PRKN: variants seen among roughly 807,000 people sequenced by gnomAD.
PRKN encodes the protein E3 ubiquitin-protein ligase parkin.
PRKN carries 56 observed loss-of-function variants against 59.5 expected under a neutral mutation model. That is an observed-to-expected ratio of 0.94 (90% confidence interval 0.76 to 1.18). The LOEUF is 1.18. Among genes scored for constraint, PRKN ranks in the 50% most tolerant of loss-of-function variants. The pLI is 0.00. For missense variants in PRKN, 657 were observed against 596.4 expected (o/e 1.10, Z -1.06); for synonymous variants, 250 against 222.1 (o/e 1.13, Z -1.12).
intron 7 of PRKN, among the ~76,000 whole-genome samples, chr6:161,733,101 G>A (rs1429144241): frequency 6.6e-6 from 1 of 152,108 alleles, no homozygotes; most frequent in Non-Finnish European, 1.5e-5. Flanking sequence ...TCATGCTACT[G>A]GGTATATGAG....
At chr6:161,565,125 C>T (rs1780591947) in intron 8 of PRKN, among the ~76,000 whole-genome samples, 1 of 152,130 alleles carries the variant, frequency 6.6e-6, no homozygotes, top group African/African-American at 2.4e-5. Flanking sequence ...CCCTTAGATT[C>T]ACCCTCAGCT....
At chr6:162,669,565 C>T (rs921542531) in intron 1 of PRKN, among the ~76,000 whole-genome samples, 1 of 152,174 alleles carries the variant, frequency 6.6e-6, no homozygotes, top group Non-Finnish European at 1.5e-5. Flanking sequence ...TGACAAGCCT[C>T]ATACACAGTT....
In PRKN at chr6:161,593,208, G is replaced by A. The variant is rs1781788144; in HGVS notation, c.872-23792C>T. On this transcript the variant is annotated intron_variant, in intron 7 of 11. Transcript: ENST00000366898. This position sits in a 1 kb window ranked among gnomAD's most constrained non-coding sequence, Gnocchi z 4.8. ...ACAATCATTATGAACTAATAACATC[G>A]CATGTCAACTGCATCCCAGGAGCTG... Among the ~76,000 whole-genome samples, 3 of 152,186 alleles carry A rather than the reference G, an allele frequency of 2.0e-5. No individual in the cohort carries two copies. Among genetic ancestry groups the A allele is most frequent in the Non-Finnish European group, 2.9e-5 (2 of 68,010 alleles).
At position 161,561,865 on chromosome 6, in the gene PRKN, G is replaced by A. The variant is rs74855687; in HGVS notation, c.933+7490C>T. Among the ~76,000 whole-genome samples the A allele has an allele frequency of 6.6e-5, 10 of 152,068 alleles. No individual in the cohort carries two copies. Among genetic ancestry groups the A allele is most frequent in the Non-Finnish European group, 1.2e-4 (8 of 68,032 alleles). On this transcript the variant is annotated intron_variant, in intron 8 of 11. Coordinates refer to ENST00000366898, the MANE Select transcript of PRKN (RefSeq NM_004562.3). This position sits in a 1 kb window ranked among gnomAD's most constrained non-coding sequence, Gnocchi z 5.0. ...CTAGAAGGAATTATCCTCCCCTTCT[G>A]TTCACTCTTCATCCCATAAAACTCT...
chr6:162,072,929 C>T lies in PRKN; in HGVS notation c.535-18755G>A, dbSNP rs549474525. Among the ~76,000 whole-genome samples, 9 of 152,246 alleles carry T rather than the reference C, an allele frequency of 5.9e-5. No individual in the cohort carries two copies. In the East Asian group the frequency reaches 1.7e-3, roughly 29 times the overall value. On this transcript the variant is annotated intron_variant, in intron 4 of 11. Coordinates refer to ENST00000366898, the MANE Select transcript of PRKN (RefSeq NM_004562.3). ...CTGAATAACCACAGTAGAACAATATCATCATGGAAAGAACTCAGTAGAGAA... is the reference window on the plus strand; with the variant it reads ...CTGAATAACCACAGTAGAACAATATTATCATGGAAAGAACTCAGTAGAGAA...
chr6:162,725,139 A>T (rs1779088910), intron 1 of PRKN, among the ~76,000 whole-genome samples: 2 of 152,228 alleles, frequency 1.3e-5, no homozygotes, highest in Non-Finnish European at 2.9e-5. Context: ...CACTCAATAA[A>T]GATTCTCCTG....
chr6:162,228,268 T>C (rs543684392), intron 3 of PRKN, among the ~76,000 whole-genome samples: 2 of 152,280 alleles, frequency 1.3e-5, no homozygotes, highest in South Asian at 4.1e-4. Context: ...AAATTCATCA[T>C]AAGGGCTGTG....
At chr6:162,007,030 T>C (rs187597992) in intron 5 of PRKN, among the ~76,000 whole-genome samples, 1 of 152,180 alleles carries the variant, frequency 6.6e-6, no homozygotes, top group African/African-American at 2.4e-5. Context: ...ACTGAATGGA[T>C]AAATGAATGG....
At chr6:161,528,958 T>C (rs933315135) in intron 9 of PRKN, among the ~76,000 whole-genome samples, 6 of 152,210 alleles carry the variant, frequency 3.9e-5, no homozygotes, top group African/African-American at 1.4e-4. Flanking sequence ...TTTGCCTGAC[T>C]CATGATTCTA....
intron 6 of PRKN, among the ~76,000 whole-genome samples, chr6:161,873,454 C>T (rs994416476): frequency 6.6e-6 from 1 of 151,754 alleles, no homozygotes; most frequent in African/African-American, 2.4e-5. Context: ...CTTTTCCTGA[C>T]GGGAACTAAA....
At chr6:162,120,170 T>C (rs6921354) in intron 4 of PRKN, among the ~76,000 whole-genome samples, 63,655 of 151,920 alleles carry the variant, frequency 0.42, 14,256 homozygotes, top group African/African-American at 0.58. Flanking sequence ...ACCCAGCTAA[T>C]TTTTATATTT....
At chr6:162,488,782 T>G (rs1301234745) in intron 1 of PRKN, among the ~76,000 whole-genome samples, 4 of 152,204 alleles carry the variant, frequency 2.6e-5, no homozygotes, top group Admixed American at 6.5e-5. Context: ...TGATTGACAC[T>G]AGCCCCTGCC....
intron 2 of PRKN, among the ~76,000 whole-genome samples, chr6:162,338,709 G>A (rs373974412): frequency 0.12 from 18,066 of 151,482 alleles, 1,183 homozygotes; most frequent in Middle Eastern, 0.18. Context: ...CTGCCTGGCC[G>A]CCCATTGTCT....
intron 6 of PRKN, among the ~76,000 whole-genome samples, chr6:161,917,805 T>C (rs536398456): frequency 8.5e-5 from 13 of 152,354 alleles, no homozygotes; most frequent in Admixed American, 1.3e-4. Context: ...AGAAGTAATA[T>C]AGCAGGTGAT....
intron 6 of PRKN, among the ~76,000 whole-genome samples, chr6:161,836,733 C>T (rs561799796): frequency 6.6e-6 from 1 of 152,260 alleles, no homozygotes; most frequent in South Asian, 2.1e-4. Context: ...AAACTAGAAG[C>T]CCCTCGTCCA....
At chr6:161,818,165 G>A (rs938719316) in intron 6 of PRKN, among the ~76,000 whole-genome samples, 7 of 152,078 alleles carry the variant, frequency 4.6e-5, no homozygotes, top group African/African-American at 1.4e-4. Context: ...ACTGCTTTGA[G>A]CTCTCCTGAA....
At chr6:162,199,189 A>G (rs1249558291) in intron 4 of PRKN, among the ~76,000 whole-genome samples, 2 of 151,256 alleles carry the variant, frequency 1.3e-5, no homozygotes, top group Non-Finnish European at 2.9e-5. Context: ...TGAGTATGTG[A>G]CATCTATCGT....
intron 1 of PRKN, among the ~76,000 whole-genome samples, chr6:162,579,193 AATCT>A (rs1358708135): frequency 4.6e-5 from 7 of 152,152 alleles, no homozygotes; most frequent in Non-Finnish European, 7.3e-5. Context: ...CAGTCCATTG[AATCT>A]ATCTGTCACT....
intron 1 of PRKN, among the ~76,000 whole-genome samples, chr6:162,611,923 CGCCTGT>C (rs1353957928): frequency 6.6e-6 from 1 of 151,958 alleles, no homozygotes; most frequent in Non-Finnish European, 1.5e-5. Context: ...TGGTGGCTCA[CGCCTGT>C]AATCCCAGCA....
Sources: gnomAD v4.1 joint callset for allele counts (sites outside exome capture counted in the v4.1 genomes callset) on GRCh38, gnomAD v4.1.1 for gene constraint, Gnocchi (gnomAD v3.1) non-coding constraint, MANE v1.5 for transcripts, NCBI Gene and HGNC (gene_info 2026-07-23, HGNC 2026-07-21) for gene names.